GFPT2: variants seen among roughly 807,000 people sequenced by gnomAD.
GFPT2 encodes glutamine--fructose-6-phosphate aminotransferase [isomerizing] 2.
A neutral mutation model predicts 85.6 loss-of-function variants in GFPT2; 62 were observed. The observed-to-expected ratio is 0.72, with a 90% CI of 0.59 to 0.90. The LOEUF is 0.90. Ranked by LOEUF, GFPT2 falls within the 40% of genes least tolerant of loss-of-function variation. The pLI is 0.00. For synonymous variants in GFPT2, 368 were observed against 344.5 expected, an observed-to-expected ratio of 1.07 and a Z score of -0.75; for missense variants, 788 against 893.4, an observed-to-expected ratio of 0.88 and a Z score of 1.50.
At chr5:180,310,366 G>A (rs1048470911) in intron 15 of GFPT2, among the ~76,000 whole-genome samples, 1 of 151,854 alleles carries the variant, frequency 6.6e-6, no homozygotes, top group Admixed American at 6.6e-5. Context: ...GCCTCCCAAA[G>A]TACTGAGATT....
At chr5:180,340,188 T>C (rs993763742) in intron 1 of GFPT2, among the ~76,000 whole-genome samples, 8 of 152,074 alleles carry the variant, frequency 5.3e-5, no homozygotes, top group Non-Finnish European at 8.8e-5. Context: ...CTGGAGGTTT[T>C]TTTTTTTGTT....
At position 180,300,731 on chromosome 5, in the gene GFPT2, A is replaced by G. The variant is rs1049617388; in HGVS notation, c.*833T>C. On this transcript the variant is annotated 3_prime_UTR_variant, in exon 19 of 19. Transcript: ENST00000253778. ...ATGTTCTTTATTGTCCTAAAATTGC[A>G]TAGTACTTTTGATTGTGCACGCTTT... is the stretch of plus-strand genomic sequence containing the variant. 5 of 152,686 alleles carry G rather than the reference A, an allele frequency of 3.3e-5. No homozygotes were observed. Among genetic ancestry groups the G allele is most frequent in the African/African-American group, 9.6e-5 (4 of 41,464 alleles). 9.5% of individuals were successfully genotyped at this position (152,686 alleles called of 1,614,324 possible).
chr5:180,314,067 G>T (rs957342653), intron 13 of GFPT2, 103 bp from the exon 14 acceptor site: 3 of 1,163,758 alleles, frequency 2.6e-6, no homozygotes, highest in South Asian at 3.1e-5. Flanking sequence ...ATCGGCGCCC[G>T]AGACACAGCC....
At chr5:180,306,412 G>T (rs1763778602) in intron 16 of GFPT2, among the ~76,000 whole-genome samples, 1 of 152,200 alleles carries the variant, frequency 6.6e-6, no homozygotes, top group Non-Finnish European at 1.5e-5. Context: ...CCCGTCACCT[G>T]GGCTGAGCAT....
intron 18 of GFPT2, 84 bp from the exon 19 acceptor site, chr5:180,301,692 A>G: frequency 8.6e-7 from 1 of 1,159,466 alleles, no homozygotes; most frequent in Non-Finnish European, 1.3e-6. Context: ...AGAGTACTTA[A>G]AAACAAGAGA....
intron 4 of GFPT2, among the ~76,000 whole-genome samples, chr5:180,332,732 G>T (rs1764327608): frequency 6.6e-6 from 1 of 152,012 alleles, no homozygotes; most frequent in Admixed American, 6.6e-5. Context: ...TAGAGACAGG[G>T]TTTCACCATG....
intron 1 of GFPT2, among the ~76,000 whole-genome samples, chr5:180,344,051 C>CGACAGGCAAGG (rs536833942): frequency 1.3e-5 from 2 of 152,158 alleles, no homozygotes; most frequent in Non-Finnish European, 2.9e-5. Flanking sequence ...GTCTGGCAAG[C>CGACAGGCAAGG]GACAGGCAAG....
rs535377299 is a variant in GFPT2, at chr5:180,353,310, G to T, written c.-93C>A. The T allele has an allele frequency of 1.1e-5, 11 of 970,250 alleles. No individual in the cohort carries two copies. In the South Asian group the frequency reaches 5.7e-4, roughly 50 times the overall value. 60.1% of individuals were successfully genotyped at this position (970,250 alleles called of 1,614,324 possible). ...GTGGGCTCCTCCGTGGGCTCCGTGG[G>T]CTCCGTGGGCTCCGCGGGCTCCAGC... On this transcript the variant is annotated 5_prime_UTR_variant, in exon 1 of 19. Transcript: ENST00000253778.
rs777751665 is a variant in GFPT2 at position 180,351,202 on chromosome 5, C to A, written c.7+2009G>T. Among the ~76,000 whole-genome samples, 6 of 152,334 alleles carry A rather than the reference C, an allele frequency of 3.9e-5. No individual in the cohort carries two copies. In the East Asian group the frequency reaches 7.7e-4, roughly 20 times the overall value. ...ATACATACTCAGACCATCATCCCCC[C>A]CAAACAGACCAATGTATTCAATTCT... is the stretch of plus-strand genomic sequence containing the variant. On this transcript the variant is annotated intron_variant, in intron 1 of 18. Transcript: ENST00000253778.
chr5:180,313,712 G>A (rs1763944313), intron 14 of GFPT2, 95 bp downstream of exon 14: 2 of 1,045,554 alleles, frequency 1.9e-6, no homozygotes, highest in Admixed American at 2.9e-5. Context: ...AAAGAAAGGC[G>A]GTGGCGCGGG....
chr5:180,306,004 G>T (rs1243788185), intron 16 of GFPT2, among the ~76,000 whole-genome samples: 1 of 141,646 alleles, frequency 7.1e-6, no homozygotes, highest in African/African-American at 2.6e-5. Flanking sequence ...TTTTCGTTGA[G>T]ATGGGAGTCT....
chr5:180,336,510 C>T lies in GFPT2; in HGVS notation c.183G>A (p.Gly61=). The change falls in exon 3 of 19, where the codon GGG becomes GGA. Residue 61 remains glycine (G), a synonymous_variant. Coordinates refer to ENST00000253778, the MANE Select transcript of GFPT2 (RefSeq NM_005110.4). ...GTTCTTCATCGAGAGCCTTGACTTT[C>T]CCCCTTTTCTTGACCAGCTGAATGT... ...ERHIQLVKKR[G]KVKALDEELY... The T allele has an allele frequency of 6.2e-7, 1 of 1,609,268 alleles. No homozygotes were observed. The highest frequency in any genetic ancestry group is 8.5e-7 in the Non-Finnish European group (1 of 1,175,524).
At position 180,323,515 on chromosome 5, in the gene GFPT2, G is replaced by C. The variant is rs1475243740; in HGVS notation, c.794+673C>G. 1.3e-5 allele frequency among the ~76,000 whole-genome samples: 2 copies of C among 152,104 alleles called. No individual in the cohort carries two copies. Among genetic ancestry groups the C allele is most frequent in the African/African-American group, 4.8e-5 (2 of 41,432 alleles). ...GTTTTCTACTTCAAATGGCAGGAAA[G>C]TGCTCTGGTTCTCTCTCTCCCTCTC... On this transcript the variant is annotated intron_variant, in intron 9 of 18. Coordinates refer to ENST00000253778, the MANE Select transcript of GFPT2 (RefSeq NM_005110.4). This position sits in a 1 kb window ranked among gnomAD's most constrained non-coding sequence, Gnocchi z 4.0.
rs1581393342 is a variant in GFPT2 at position 180,350,812 on chromosome 5, G to A, written c.7+2399C>T. Reference sequence around the variant, plus strand: ...AGAGGATCAACTACTGCCGAGTCCTGGCTTCCCATGAGAGAAGCAGCAGGA... The same window carrying A: ...AGAGGATCAACTACTGCCGAGTCCTAGCTTCCCATGAGAGAAGCAGCAGGA... On this transcript the variant is annotated intron_variant, in intron 1 of 18. Transcript: ENST00000253778. Among the ~76,000 whole-genome samples the A allele has an allele frequency of 2.0e-5, 3 of 152,152 alleles. No homozygotes were observed. The South Asian group carries it at 6.2e-4, about 32-fold the overall frequency.
chr5:180,315,374 T>G (rs1412416605), intron 13 of GFPT2, among the ~76,000 whole-genome samples: 1 of 152,114 alleles, frequency 6.6e-6, no homozygotes, highest in Non-Finnish European at 1.5e-5. Context: ...GAGACGGGGT[T>G]TCACTGTGTG....
intron 9 of GFPT2, among the ~76,000 whole-genome samples, chr5:180,320,887 C>T (rs1764105657): frequency 6.6e-6 from 1 of 152,096 alleles, no homozygotes. Context: ...CTCTAAAAGA[C>T]GTATATCCAG....
rs1469507288 is a variant in GFPT2, at chr5:180,338,575, T to G, written c.33A>C (p.Arg11Ser). 1.2e-6 allele frequency: 2 copies of G among 1,608,076 alleles called. No homozygotes were observed. The highest frequency in any genetic ancestry group is 1.1e-5 in the South Asian group (1 of 90,874). The change falls in exon 2 of 19, where the codon AGA becomes AGC. Residue 11 changes from arginine to serine, a missense_variant. By Grantham distance (110) the Arg-to-Ser change is moderately radical. Transcript: ENST00000253778. ...AGATCTCCTTCCTCGTCCGGGGGAC[T>G]CTGTAGTTCATGTAGGCAAAGATTC... MCGIFAYMNYRVPRTRKEIFE... is the reference protein window; with the variant it reads MCGIFAYMNYSVPRTRKEIFE...
chr5:180,337,514 GAATAT>G, intron 2 of GFPT2, among the ~76,000 whole-genome samples: 1 of 150,912 alleles, frequency 6.6e-6, no homozygotes, highest in South Asian at 2.1e-4. Context: ...GAAAAGAGAA[GAATAT>G]AAAATTACAA....
At chr5:180,344,182 G>A (rs1764567881) in intron 1 of GFPT2, among the ~76,000 whole-genome samples, 1 of 152,188 alleles carries the variant, frequency 6.6e-6, no homozygotes, top group Admixed American at 6.5e-5. Flanking sequence ...ATGTGTCAAG[G>A]GAAAAAGAAG....
Sources: gnomAD v4.1 joint callset for allele counts (sites outside exome capture counted in the v4.1 genomes callset) on GRCh38, gnomAD v4.1.1 for gene constraint, Gnocchi (gnomAD v3.1) non-coding constraint, MANE v1.5 for transcripts, NCBI Gene and HGNC (gene_info 2026-07-23, HGNC 2026-07-21) for gene names.